The following TRPM1 variants were observed in gnomAD, a reference collection of about 807,000 sequenced individuals.
TRPM1 encodes the protein TRPM1-203 APA Isoform, Intron 10.
TRPM1 carries 113 observed loss-of-function variants against 149.4 expected under a neutral mutation model. The ratio of observed to expected loss-of-function variants is 0.76; its 90% confidence interval spans 0.65 to 0.88. TRPM1 has a LOEUF of 0.88. TRPM1 is among the 40% of genes least tolerant of loss of function. The pLI, the probability that TRPM1 is intolerant of heterozygous loss-of-function variation, is 0.00. For synonymous variants in TRPM1, 741 were observed against 759.5 expected, an observed-to-expected ratio of 0.98 and a Z score of 0.40; for missense variants, 1,976 against 2,038.7, an observed-to-expected ratio of 0.97 and a Z score of 0.59.
At chr15:31,079,349 A>T (rs984581538) in intron 2 of TRPM1, among the ~76,000 whole-genome samples, 3 of 152,146 alleles carry the variant, frequency 2.0e-5, no homozygotes, top group South Asian at 2.1e-4. Context: ...GATTTGACTG[A>T]GCTATGGGTG....
chr15:31,033,444 T>C (rs1030475020), intron 21 of TRPM1, among the ~76,000 whole-genome samples: 8 of 152,212 alleles, frequency 5.3e-5, no homozygotes, highest in Non-Finnish European at 1.0e-4. Flanking sequence ...ACTTGAGATA[T>C]TATCCTTTCA....
intron 1 of TRPM1, among the ~76,000 whole-genome samples, chr15:31,147,875 C>T (rs552601331): frequency 3.9e-5 from 6 of 152,242 alleles, no homozygotes; most frequent in Non-Finnish European, 8.8e-5. Context: ...GGGAGGTGGG[C>T]GGCTGCTGAA....
intron 1 of TRPM1, among the ~76,000 whole-genome samples, chr15:31,087,231 ATTTTTTTTTTT>A (rs58872566): frequency 0.022 from 1,323 of 59,536 alleles, 41 homozygotes; most frequent in African/African-American, 0.089. Flanking sequence ...CTCAATAGGG[ATTTTTTTTTTT>A]TTTTTTTTTT....
intron 1 of TRPM1, among the ~76,000 whole-genome samples, chr15:31,120,797 AAT>A (rs2035864230): frequency 6.6e-6 from 1 of 152,246 alleles, no homozygotes; most frequent in South Asian, 2.1e-4. Context: ...TACCCTTCTA[AAT>A]AACAGGAGTC....
chr15:31,061,225 C>G (rs1258532514), intron 10 of TRPM1, among the ~76,000 whole-genome samples: 1 of 152,214 alleles, frequency 6.6e-6, no homozygotes, highest in Non-Finnish European at 1.5e-5. Flanking sequence ...CGGTTCTGAC[C>G]TCAGCCCATG....
In TRPM1 at chr15:31,067,174, G is replaced by A. The variant is rs201157794; in HGVS notation, c.507C>T (p.His169=). Residue 169 remains histidine (H), a synonymous_variant, in exon 6 of 28, where the codon CAC becomes CAT. Transcript: ENST00000256552. The part of the protein sequence containing the change: ...TGGVSTGVIS[H]VGDALKDHSS... ...AGTGGTCTTTCAAGGCATCCCCTAC[G>A]TGGCTGATAACACCTGTGAGCAGCC... 1,042 of 1,614,108 alleles carry A rather than the reference G, an allele frequency of 6.5e-4. No homozygotes were observed. Among genetic ancestry groups the A allele is most frequent in the Middle Eastern group, 8.2e-4 (5 of 6,062 alleles).
intron 1 of TRPM1, among the ~76,000 whole-genome samples, chr15:31,089,057 G>A (rs1157871761): frequency 2.6e-5 from 4 of 152,286 alleles, no homozygotes; most frequent in Admixed American, 1.3e-4. Flanking sequence ...CAGTAATTAG[G>A]ATAAGTAACA....
In TRPM1 at chr15:31,002,277, T is replaced by C. The variant is rs1458438878; in HGVS notation, c.4423A>G (p.Asn1475Asp). ...SRGRKLVGGVNQDVEYSSITD... is the reference protein window; with the variant it reads ...SRGRKLVGGVDQDVEYSSITD... ...ATTGAACTGTACTCTACATCCTGGT[T>C]AACCCCACCGACCAGCTTTCTTCCC... The change falls in exon 28 of 28, where the codon AAC becomes GAC. Residue 1475 changes from asparagine (N) to aspartate (D), a missense_variant. Around this residue, in one of 3 missense-constraint regions of TRPM1, gnomAD observed 572 missense variants for 578.9 expected, o/e 0.99. Transcript: ENST00000256552. 1.2e-6 allele frequency: 2 copies of C among 1,614,244 alleles called. No individual in the cohort carries two copies. Among genetic ancestry groups the C allele is most frequent in the Non-Finnish European group, 1.7e-6 (2 of 1,180,036 alleles).
chr15:31,155,864 T>C (rs1283530656), intron 1 of TRPM1, among the ~76,000 whole-genome samples: 1 of 152,152 alleles, frequency 6.6e-6, no homozygotes, highest in African/African-American at 2.4e-5. Context: ...TGTGACTTAC[T>C]TTCCAACCTG....
chr15:31,126,518 A>G (rs1288529139), intron 1 of TRPM1, among the ~76,000 whole-genome samples: 1 of 152,052 alleles, frequency 6.6e-6, no homozygotes, highest in Non-Finnish European at 1.5e-5. Context: ...AGAAGTACCT[A>G]TGGTCTCTTA....
At chr15:31,062,557 G>C in intron 9 of TRPM1, 22 bp downstream of exon 9, 1 of 1,613,686 alleles carries the variant, frequency 6.2e-7, no homozygotes, top group Non-Finnish European at 8.5e-7. Context: ...AGCTTGTTTG[G>C]AAATAAATTC....
intron 17 of TRPM1, among the ~76,000 whole-genome samples, chr15:31,041,196 C>A (rs1473926020): frequency 6.6e-6 from 1 of 151,892 alleles, no homozygotes; most frequent in Non-Finnish European, 1.5e-5. Flanking sequence ...ACTCTATCAC[C>A]CAGGCTGGAG....
At chr15:31,151,984 C>T (rs2141062672) in intron 1 of TRPM1, among the ~76,000 whole-genome samples, 1 of 152,288 alleles carries the variant, frequency 6.6e-6, no homozygotes, top group African/African-American at 2.4e-5. Context: ...CTTGGACCTC[C>T]CTGGTAGGTG....
intron 1 of TRPM1, among the ~76,000 whole-genome samples, chr15:31,136,072 G>C (rs559889808): frequency 6.6e-6 from 1 of 152,020 alleles, no homozygotes; most frequent in African/African-American, 2.4e-5. Flanking sequence ...GTGTATAGGC[G>C]TTTTGGTCTG....
At position 31,061,379 on chromosome 15, in the gene TRPM1, G is replaced by A. The variant is rs1036730920; in HGVS notation, c.1162+63C>T. On this transcript the variant is annotated intron_variant, in intron 10 of 27. Transcript: ENST00000256552. ...AGACATAGTCCATGGGAGGCCGGGAGGGAAGGATTGCCGGCTAGGCCAACA... is the reference window on the plus strand; with the variant it reads ...AGACATAGTCCATGGGAGGCCGGGAAGGAAGGATTGCCGGCTAGGCCAACA... 1.6e-5 allele frequency: 25 copies of A among 1,523,566 alleles called. 1 individual carries two copies. In the South Asian group the frequency reaches 2.5e-4, roughly 15 times the overall value. The allele number at this position is 1,523,566 out of a possible 1,614,324, so 94.4% of individuals were successfully genotyped here.
chr15:31,064,535 T>C (rs1160207049), intron 7 of TRPM1, among the ~76,000 whole-genome samples: 1 of 152,198 alleles, frequency 6.6e-6, no homozygotes. Flanking sequence ...ACACTGGCCA[T>C]GACAGATCAC....
intron 11 of TRPM1, among the ~76,000 whole-genome samples, chr15:31,056,554 A>G (rs1221238428): frequency 6.6e-6 from 1 of 152,220 alleles, no homozygotes; most frequent in African/African-American, 2.4e-5. Flanking sequence ...AAGACACAGA[A>G]TGATAATTGC....
rs74010763 is a variant in TRPM1 at position 31,076,159 on chromosome 15, G to A, written c.83+746C>T. On this transcript the variant is annotated intron_variant, in intron 3 of 27. Transcript: ENST00000256552. ...CAATCACTGGGGTTTAAGCAGGGAG[G>A]AGAATCTGCAGGGTGGTGTGGGGCA... Among the ~76,000 whole-genome samples, 809 of 152,280 alleles carry A rather than the reference G, an allele frequency of 5.3e-3. 9 individuals are homozygous for A. Among genetic ancestry groups the A allele is most frequent in the African/African-American group, 0.018 (756 of 41,550 alleles).
At chr15:31,078,403 C>A (rs1323680945) in intron 2 of TRPM1, among the ~76,000 whole-genome samples, 1 of 152,200 alleles carries the variant, frequency 6.6e-6, no homozygotes, top group Non-Finnish European at 1.5e-5. Context: ...AAGTACCCCC[C>A]AAACTCAGCC....
Sources: allele counts gnomAD v4.1 joint callset (sites outside exome capture counted in the v4.1 genomes callset), GRCh38; gene constraint gnomAD v4.1.1; regional missense constraint gnomAD v4.1.1; transcripts MANE v1.5; gene names NCBI Gene and HGNC (gene_info 2026-07-23, HGNC 2026-07-21).